KIAA0319L: variants seen among roughly 807,000 people sequenced by gnomAD.
The protein encoded by KIAA0319L is KIAA0319 like, also known as dyslexia-associated protein KIAA0319-like protein.
KIAA0319L carries 55 observed loss-of-function variants against 120.1 expected under a neutral mutation model. The ratio of observed to expected loss-of-function variants is 0.46; its 90% CI spans 0.37 to 0.57. The LOEUF (loss-of-function observed/expected upper bound fraction) is 0.57, where lower values mean the gene tolerates loss of function less well. Among genes scored for constraint, KIAA0319L ranks in the 20% least tolerant of loss-of-function variants. The probability of loss-of-function intolerance (pLI) is 0.00; values close to 1 mark genes in which losing one functional copy is unlikely to be tolerated. For missense variants in KIAA0319L, 1,049 were observed against 1,255.3 expected, an observed-to-expected ratio of 0.84 and a Z score of 2.48; for synonymous variants, 398 against 471.9, an observed-to-expected ratio of 0.84 and a Z score of 2.03.
chr1:35,452,265 T>C (rs949727293), intron 12 of KIAA0319L, among the ~76,000 whole-genome samples: 1 of 152,150 alleles, frequency 6.6e-6, no homozygotes, highest in Non-Finnish European at 1.5e-5. Flanking sequence ...GACAAAATCA[T>C]CTTGTTTGTA....
intron 7 of KIAA0319L, among the ~76,000 whole-genome samples, chr1:35,464,695 C>T (rs1286461703): frequency 2.0e-5 from 3 of 152,198 alleles, no homozygotes; most frequent in Non-Finnish European, 4.4e-5. Context: ...GTCTCTAGGG[C>T]ATGTGAGAGG....
chr1:35,471,056 G>C, intron 5 of KIAA0319L, 96 bp from the exon 6 acceptor site: 1 of 780,128 alleles, frequency 1.3e-6, no homozygotes, highest in Non-Finnish European at 2.3e-6. Context: ...TTCTGATCTT[G>C]ACAAGGCTTT....
intron 2 of KIAA0319L, among the ~76,000 whole-genome samples, chr1:35,515,181 A>C (rs758018764): frequency 2.0e-5 from 3 of 151,990 alleles, no homozygotes; most frequent in Non-Finnish European, 4.4e-5. Context: ...GTGTGCTGGC[A>C]CACACCTGTA....
chr1:35,526,388 C>CATATATATATATAT (rs60847372), intron 2 of KIAA0319L, among the ~76,000 whole-genome samples: 1 of 127,138 alleles, frequency 7.9e-6, no homozygotes, highest in African/African-American at 2.8e-5. Flanking sequence ...TATATACATA[C>CATATATATATATAT]ATATATATAT....
chr1:35,502,981 G>C (rs952873533), intron 3 of KIAA0319L, among the ~76,000 whole-genome samples: 2 of 152,130 alleles, frequency 1.3e-5, no homozygotes. Context: ...CAGTACCACT[G>C]TTATAAATGC....
At chr1:35,459,219 A>G (rs796677552) in intron 9 of KIAA0319L, among the ~76,000 whole-genome samples, 4 of 152,274 alleles carry the variant, frequency 2.6e-5, no homozygotes, top group African/African-American at 9.6e-5. Context: ...CAAAACTTGA[A>G]CAGATTGAGA....
Position 35,442,887 on chromosome 1 carries a change from T to G in KIAA0319L, c.2779+19A>C. 2 of 1,614,182 alleles carry G rather than the reference T, an allele frequency of 1.2e-6. No homozygotes were observed. Among genetic ancestry groups the G allele is most frequent in the East Asian group, 4.5e-5 (2 of 44,890 alleles). ...TTCAGCGCCAAACAGGCTGGCACTG[T>G]GCCACATAGAAAACTCACCACAGTT... On this transcript the variant is annotated intron_variant, in intron 18 of 20. Coordinates refer to ENST00000325722, the MANE Select transcript of KIAA0319L (RefSeq NM_024874.5).
chr1:35,499,781 A>T (rs1426223672), intron 3 of KIAA0319L, among the ~76,000 whole-genome samples: 1 of 137,598 alleles, frequency 7.3e-6, no homozygotes, highest in Non-Finnish European at 1.6e-5. Flanking sequence ...AAAAACAAGT[A>T]AAAAAAAAAA....
chr1:35,444,124 G>GCT (rs772670478), intron 17 of KIAA0319L, 37 bp downstream of exon 17: 1 of 1,554,148 alleles, frequency 6.4e-7, no homozygotes, highest in African/African-American at 1.4e-5. Flanking sequence ...GCAGGCACTA[G>GCT]GTAGGCTCTT....
chr1:35,530,059 A>G (rs973189543), intron 2 of KIAA0319L, among the ~76,000 whole-genome samples: 1 of 149,828 alleles, frequency 6.7e-6, no homozygotes, highest in Admixed American at 6.7e-5. Context: ...TTTTTTGGAG[A>G]CAGGGTCTCA....
At chr1:35,515,701 A>G (rs1040611920) in intron 2 of KIAA0319L, among the ~76,000 whole-genome samples, 1 of 152,184 alleles carries the variant, frequency 6.6e-6, no homozygotes, top group Non-Finnish European at 1.5e-5. Context: ...GAAATAACCA[A>G]AATCGGAGCT....
chr1:35,473,148 T>G (rs1160156805), intron 5 of KIAA0319L, among the ~76,000 whole-genome samples: 1 of 138,186 alleles, frequency 7.2e-6, no homozygotes, highest in African/African-American at 2.8e-5. Context: ...CAGGCTGGAG[T>G]GCAATGGCAC....
intron 2 of KIAA0319L, among the ~76,000 whole-genome samples, chr1:35,508,631 A>C (rs1261482629): frequency 6.6e-6 from 1 of 152,196 alleles, no homozygotes; most frequent in Non-Finnish European, 1.5e-5. Context: ...CTACGAAAAA[A>C]AAATCAAGCT....
At chr1:35,481,847 T>G (rs1305901794) in intron 3 of KIAA0319L, among the ~76,000 whole-genome samples, 2 of 114,256 alleles carry the variant, frequency 1.8e-5, no homozygotes, top group Non-Finnish European at 3.5e-5. Flanking sequence ...TTTTTTGAGA[T>G]GGAGTCTTGC....
chr1:35,538,316 C>T (rs939134958), intron 2 of KIAA0319L, among the ~76,000 whole-genome samples: 1 of 152,002 alleles, frequency 6.6e-6, no homozygotes, highest in Non-Finnish European at 1.5e-5. Context: ...TTAGGCCAGG[C>T]ACAGTGGCTC....
intron 6 of KIAA0319L, among the ~76,000 whole-genome samples, chr1:35,470,094 G>A (rs1179425456): frequency 1.3e-5 from 2 of 151,954 alleles, no homozygotes; most frequent in African/African-American, 2.4e-5. Flanking sequence ...TCTCAAACTC[G>A]TGGCCTCAAG....
chr1:35,447,600 CT>C (rs1641727120), intron 16 of KIAA0319L, among the ~76,000 whole-genome samples: 1 of 144,666 alleles, frequency 6.9e-6, no homozygotes, highest in Non-Finnish European at 1.5e-5. Flanking sequence ...TTGAGACAGT[CT>C]CACTCTGTCT....
At chr1:35,479,386 T>C (rs139831187) in intron 3 of KIAA0319L, among the ~76,000 whole-genome samples, 174 bp from the exon 4 acceptor site, 1 of 152,146 alleles carries the variant, frequency 6.6e-6, no homozygotes, top group Non-Finnish European at 1.5e-5. Context: ...TTGAGATAAA[T>C]CTTGAGTTTT....
chr1:35,521,296 A>C (rs1455492814), intron 2 of KIAA0319L, among the ~76,000 whole-genome samples: 2 of 152,148 alleles, frequency 1.3e-5, no homozygotes, highest in Middle Eastern at 3.4e-3. Flanking sequence ...CCGAGATTGC[A>C]CCACTAACCT....
Sources: gnomAD v4.1 joint callset for allele counts (sites outside exome capture counted in the v4.1 genomes callset) on GRCh38, gnomAD v4.1.1 for gene constraint, MANE v1.5 for transcripts, NCBI Gene and HGNC (gene_info 2026-07-23, HGNC 2026-07-21) for gene names.